HECTD4: variants seen among roughly 807,000 people sequenced by gnomAD.
The protein encoded by HECTD4 is HECT domain E3 ubiquitin protein ligase 4.
A neutral mutation model predicts 471.5 loss-of-function variants in HECTD4; 114 were observed. The observed-to-expected ratio is 0.24, with a 90% CI of 0.21 to 0.28. The LOEUF is 0.28. Among genes scored for constraint, HECTD4 ranks in the 10% least tolerant of loss-of-function variants. The pLI, the probability that HECTD4 is intolerant of heterozygous loss-of-function variation, is 1.00. For missense variants in HECTD4, 3,866 were observed against 5,651.5 expected, an observed-to-expected ratio of 0.68 and a Z score of 10.13; for synonymous variants, 2,012 against 2,256.0, an observed-to-expected ratio of 0.89 and a Z score of 3.07.
intron 47 of HECTD4, among the ~76,000 whole-genome samples, 186 bp from the exon 48 acceptor site, chr12:112,216,557 T>C (rs2032923372): frequency 6.6e-6 from 1 of 152,170 alleles, no homozygotes; most frequent in Non-Finnish European, 1.5e-5. Flanking sequence ...TAAAGGGTTA[T>C]AGAATTTGCA....
At chr12:112,374,629 G>T (rs1003758180) in intron 1 of HECTD4, among the ~76,000 whole-genome samples, 21 of 152,130 alleles carry the variant, frequency 1.4e-4, no homozygotes, top group African/African-American at 4.8e-4. Context: ...TAGTTTATTC[G>T]CTTATTCATT....
chr12:112,205,222 G>A (rs1210131038), intron 52 of HECTD4, among the ~76,000 whole-genome samples: 2 of 151,706 alleles, frequency 1.3e-5, no homozygotes, highest in African/African-American at 2.4e-5. Context: ...GATCACCTGA[G>A]GTCAGGAGTT....
intron 44 of HECTD4, among the ~76,000 whole-genome samples, chr12:112,219,849 C>T (rs2135553662): frequency 6.6e-6 from 1 of 152,310 alleles, no homozygotes; most frequent in East Asian, 1.9e-4. Flanking sequence ...ATCCGCCTGC[C>T]TCAGCCTCCC....
At position 112,273,902 on chromosome 12, in the gene HECTD4, T is replaced by C. The variant is rs534092098; in HGVS notation, c.1802-107A>G. On this transcript the variant is annotated intron_variant, in intron 10 of 75. Transcript: ENST00000682272. ...GGAAGGGCAAGGATGCTCTCTAATG[T>C]TGACAACCCACAACCCTAGTCCCAC... is the stretch of plus-strand genomic sequence containing the variant. 116 of 1,302,912 alleles carry C rather than the reference T, an allele frequency of 8.9e-5. 1 individual carries two copies. In the South Asian group the frequency reaches 1.6e-3, roughly 18 times the overall value. The allele number at this position is 1,302,912 out of a possible 1,614,324, so 80.7% of individuals were successfully genotyped here.
chr12:112,378,469 C>T (rs1313948559), intron 1 of HECTD4, among the ~76,000 whole-genome samples: 1 of 151,878 alleles, frequency 6.6e-6, no homozygotes, highest in Admixed American at 6.6e-5. Flanking sequence ...TGTGATTCGC[C>T]CGTCTTGGTC....
chr12:112,192,361 C>T (rs2032107430), intron 59 of HECTD4, among the ~76,000 whole-genome samples, 199 bp downstream of exon 59: 1 of 152,188 alleles, frequency 6.6e-6, no homozygotes, highest in South Asian at 2.1e-4. Flanking sequence ...GTCAGGCCTT[C>T]CCTAGGTAGG....
Position 112,248,174 on chromosome 12 carries a change from A to G in HECTD4, c.4144-3T>C. The G allele has an allele frequency of 6.2e-7, 1 of 1,608,538 alleles. No homozygotes were observed. Among genetic ancestry groups the G allele is most frequent in the Non-Finnish European group, 8.5e-7 (1 of 1,176,320 alleles). On this transcript the variant is annotated splice_polypyrimidine_tract_variant and splice_region_variant and intron_variant, in intron 26 of 75. Transcript: ENST00000682272. ...TTTTGTTCCAGTTCTGCAACACTCT[A>G]ATAAATACATTAAAATAGATGCAAA...
rs183135543 is a variant in HECTD4 at position 112,335,881 on chromosome 12, T to C, written c.178-16139A>G. 5.3e-5 allele frequency among the ~76,000 whole-genome samples: 8 copies of C among 152,284 alleles called. No individual in the cohort carries two copies. In the East Asian group the frequency reaches 1.5e-3, roughly 29 times the overall value. On this transcript the variant is annotated intron_variant, in intron 1 of 75. Transcript: ENST00000682272. Reference sequence around the variant, plus strand: ...ATAAGTGAAAGACAAACAATCATTGTTTTGCAATCTCTACCGATTTAATAG... The same window carrying C: ...ATAAGTGAAAGACAAACAATCATTGCTTTGCAATCTCTACCGATTTAATAG...
chr12:112,305,924 C>G lies in HECTD4; in HGVS notation c.1335+140G>C, dbSNP rs2035263247. The G allele has an allele frequency of 5.8e-6, 4 of 687,236 alleles. No individual in the cohort carries two copies. The East Asian group carries it at 1.3e-4, about 22-fold the overall frequency. The allele number at this position is 687,236 out of a possible 1,614,324, so 42.6% of individuals were successfully genotyped here. On this transcript the variant is annotated intron_variant, in intron 7 of 75. Transcript: ENST00000682272. ...CAAACAAAGAAACCTTCAAAGACATCTAAGAGAAAAATCAATTTTAAGGAA... is the reference window on the plus strand; with the variant it reads ...CAAACAAAGAAACCTTCAAAGACATGTAAGAGAAAAATCAATTTTAAGGAA...
chr12:112,177,061 A>C (rs2031475571), intron 64 of HECTD4, among the ~76,000 whole-genome samples: 1 of 152,210 alleles, frequency 6.6e-6, no homozygotes, highest in African/African-American at 2.4e-5. Context: ...CACCCTTGCC[A>C]CACTGCAAAT....
In HECTD4 at chr12:112,250,913, A is replaced by T. The variant is rs1229204728; in HGVS notation, c.3716+58T>A. ...GGAAATGTACCAAAAGGATTTTTCC[A>T]CATAAAGTCCTTTTTCCTTTGCAGG... On this transcript the variant is annotated intron_variant, in intron 24 of 75. Coordinates refer to ENST00000682272, the MANE Select transcript of HECTD4 (RefSeq NM_001388303.1). 1.7e-5 allele frequency: 26 copies of T among 1,490,390 alleles called. No individual in the cohort carries two copies. The East Asian group carries it at 6.0e-4, about 35-fold the overall frequency. The allele number at this position is 1,490,390 out of a possible 1,614,324, so 92.3% of individuals were successfully genotyped here.
Position 112,194,757 on chromosome 12 carries a change from G to T in HECTD4, c.8749+128C>A. The T allele has an allele frequency of 1.2e-6, 1 of 808,146 alleles. No homozygotes were observed. The highest frequency in any genetic ancestry group is 1.9e-6 in the Non-Finnish European group (1 of 517,712). The allele number at this position is 808,146 out of a possible 1,614,324, so 50.1% of individuals were successfully genotyped here. A position where few individuals can be genotyped will look rare whatever the true frequency, so the allele number is the denominator to read the frequency against. On this transcript the variant is annotated intron_variant, in intron 56 of 75. Coordinates refer to ENST00000682272, the MANE Select transcript of HECTD4 (RefSeq NM_001388303.1). This position sits in a 1 kb window ranked among gnomAD's most constrained non-coding sequence, Gnocchi z 4.6. ...GCCAGGAGAATCCCAGTTCCTGCGT[G>T]CAATTTCTCACGTGAGCCTATGCGC...
chr12:112,268,687 C>A (rs558549787), intron 13 of HECTD4, among the ~76,000 whole-genome samples: 2 of 150,672 alleles, frequency 1.3e-5, no homozygotes, highest in African/African-American at 4.9e-5. Flanking sequence ...AGCCAGGAGG[C>A]GGAGATTGCG....
chr12:112,177,202 A>G (rs2031480429), intron 64 of HECTD4, among the ~76,000 whole-genome samples: 1 of 152,176 alleles, frequency 6.6e-6, no homozygotes, highest in African/African-American at 2.4e-5. Context: ...CTACATAATG[A>G]ATTAACTTTT....
intron 60 of HECTD4, 143 bp from the exon 61 acceptor site, chr12:112,185,636 CAG>C (rs2137029562): frequency 1.7e-6 from 1 of 605,158 alleles, no homozygotes; most frequent in African/African-American, 1.9e-5. Flanking sequence ...GATGGAGAAA[CAG>C]AGGTTGGGAG....
intron 67 of HECTD4, 103 bp downstream of exon 67, chr12:112,172,568 G>A (rs1325272814): frequency 3.1e-5 from 37 of 1,177,810 alleles, no homozygotes; most frequent in East Asian, 2.4e-4. Flanking sequence ...ATAAGTGTTC[G>A]TTCGATGGAC....
intron 19 of HECTD4, chr12:112,258,815 A>G: frequency 1.8e-6 from 1 of 559,460 alleles, no homozygotes; most frequent in East Asian, 3.1e-5. Context: ...GCTGGCAAGG[A>G]CTCAGGAGAC....
intron 1 of HECTD4, among the ~76,000 whole-genome samples, chr12:112,350,607 T>A (rs75598236): frequency 1.6e-3 from 240 of 152,344 alleles, no homozygotes; most frequent in African/African-American, 5.7e-3. Context: ...TAACAAGTTT[T>A]AGTGTTCTTG....
chr12:112,328,156 T>TTTA (rs2035783289), intron 1 of HECTD4, among the ~76,000 whole-genome samples: 3 of 133,590 alleles, frequency 2.2e-5, no homozygotes, highest in South Asian at 2.5e-4. Context: ...TTATTTATTT[T>TTTA]GAGACAGGGT....
Sources: gnomAD v4.1 joint callset for allele counts (sites outside exome capture counted in the v4.1 genomes callset) on GRCh38, gnomAD v4.1.1 for gene constraint, Gnocchi (gnomAD v3.1) non-coding constraint, MANE v1.5 for transcripts, NCBI Gene and HGNC (gene_info 2026-07-23, HGNC 2026-07-21) for gene names.